The following KCNMA1 variants were observed in gnomAD, a reference collection of about 807,000 sequenced individuals.
KCNMA1 encodes the protein potassium calcium-activated channel subfamily M alpha 1, also known as Calcium-activated potassium channel subunit alpha-1.
KCNMA1 carries 29 observed loss-of-function variants against 140.0 expected under a neutral mutation model. That is an observed-to-expected ratio of 0.21 (90% CI 0.15 to 0.28). KCNMA1 has a LOEUF of 0.28. Ranked by LOEUF, KCNMA1 falls within the 10% of genes least tolerant of loss-of-function variation. The pLI is 1.00. For missense variants in KCNMA1, 880 were observed against 1,602.2 expected (o/e 0.55, Z 7.70); for synonymous variants, 612 against 611.9 (o/e 1.00, Z 0.00).
intron 2 of KCNMA1, among the ~76,000 whole-genome samples, chr10:77,265,288 A>G (rs1269613272): frequency 2.0e-5 from 3 of 152,118 alleles, no homozygotes; most frequent in Non-Finnish European, 4.4e-5. Flanking sequence ...CTGACCTCAA[A>G]TGATCCAACC....
At chr10:77,137,080 G>A (rs2098055774) in intron 5 of KCNMA1, among the ~76,000 whole-genome samples, 2 of 152,096 alleles carry the variant, frequency 1.3e-5, no homozygotes, top group Non-Finnish European at 2.9e-5. Flanking sequence ...TAAAAGCAGA[G>A]TTACTGTACT....
intron 1 of KCNMA1, among the ~76,000 whole-genome samples, chr10:77,543,031 TTCTCTCTCTCTTTCTCTCTCTCTCATTC>T: frequency 4.5e-5 from 1 of 22,400 alleles, no homozygotes. Context: ...CTCTCTCTCA[TTCTCTCTCTCTTTCTCTCTCTCTCATTC>T]TCTCTCTCTT....
At chr10:76,950,047 C>T (rs556361632) in intron 21 of KCNMA1, among the ~76,000 whole-genome samples, 1 of 152,198 alleles carries the variant, frequency 6.6e-6, no homozygotes, top group Admixed American at 6.5e-5. Context: ...GTGAAAATTA[C>T]ATAAAGTTCA....
intron 1 of KCNMA1, among the ~76,000 whole-genome samples, chr10:77,557,459 A>T (rs565463279): frequency 1.7e-4 from 26 of 152,310 alleles, no homozygotes; most frequent in African/African-American, 6.3e-4. Flanking sequence ...CATGTAGTTC[A>T]ACACTGTTTA....
At chr10:77,005,952 A>C (rs2088406787) in intron 18 of KCNMA1, among the ~76,000 whole-genome samples, 1 of 152,218 alleles carries the variant, frequency 6.6e-6, no homozygotes, top group African/African-American at 2.4e-5. Context: ...AACCTGTTGG[A>C]AAGTGGCTGG....
intron 2 of KCNMA1, among the ~76,000 whole-genome samples, chr10:77,303,876 C>T (rs558960474): frequency 1.5e-4 from 23 of 152,354 alleles, no homozygotes; most frequent in South Asian, 4.1e-4. Flanking sequence ...CATTGCAAGA[C>T]GCTCATTGTC....
chr10:76,947,542 A>G (rs933507432), intron 22 of KCNMA1, among the ~76,000 whole-genome samples: 2 of 152,220 alleles, frequency 1.3e-5, no homozygotes, highest in African/African-American at 2.4e-5. Context: ...GACTATGTGG[A>G]GGAGCACATG....
chr10:77,306,838 C>A (rs576891396), intron 2 of KCNMA1, among the ~76,000 whole-genome samples: 30 of 152,260 alleles, frequency 2.0e-4, no homozygotes, highest in African/African-American at 7.0e-4. Context: ...ACCCAGCTTA[C>A]GCAAAAAGGG....
chr10:76,983,891 G>A (rs2080353647), intron 19 of KCNMA1, among the ~76,000 whole-genome samples: 1 of 152,038 alleles, frequency 6.6e-6, no homozygotes, highest in Non-Finnish European at 1.5e-5. Flanking sequence ...GAATACCGCA[G>A]ACCATAAAAA....
At chr10:77,052,620 C>CCA (rs2095410226) in intron 14 of KCNMA1, among the ~76,000 whole-genome samples, 1 of 141,582 alleles carries the variant, frequency 7.1e-6, no homozygotes, top group Non-Finnish European at 1.5e-5. Flanking sequence ...GATGAGTGTG[C>CCA]AAAAAAAAAA....
chr10:77,198,259 A>G (rs1042424571), intron 3 of KCNMA1, among the ~76,000 whole-genome samples: 69 of 152,256 alleles, frequency 4.5e-4, no homozygotes, highest in African/African-American at 1.6e-3. Context: ...CATCCTTAAC[A>G]CTTTGGTTAC....
intron 1 of KCNMA1, among the ~76,000 whole-genome samples, chr10:77,520,042 CAGTGTGAGGGTGTG>C (rs2052422256): frequency 2.6e-5 from 1 of 38,414 alleles, no homozygotes; most frequent in Non-Finnish European, 5.3e-5. Context: ...TGAGGGTGTG[CAGTGTGAGGGTGTG>C]CAGTGTGAGG....
At chr10:77,151,131 CCTTT>C (rs890738236) in intron 5 of KCNMA1, among the ~76,000 whole-genome samples, 13 of 150,952 alleles carry the variant, frequency 8.6e-5, no homozygotes, top group African/African-American at 1.7e-4. Flanking sequence ...TCTCTTCCTT[CCTTT>C]CTTTCTTCTT....
At chr10:77,426,121 G>A (rs1460958704) in intron 1 of KCNMA1, among the ~76,000 whole-genome samples, 1 of 152,170 alleles carries the variant, frequency 6.6e-6, no homozygotes. Flanking sequence ...CACTTCACCA[G>A]ACTGTAGGAC....
intron 3 of KCNMA1, among the ~76,000 whole-genome samples, chr10:77,228,314 G>A (rs2052297105): frequency 1.3e-5 from 2 of 152,118 alleles, no homozygotes; most frequent in South Asian, 2.1e-4. Flanking sequence ...GAATTAGGGG[G>A]TAAGCCAACC....
At chr10:77,473,985 C>A (rs1795068004) in intron 1 of KCNMA1, among the ~76,000 whole-genome samples, 1 of 152,316 alleles carries the variant, frequency 6.6e-6, no homozygotes, top group East Asian at 1.9e-4. Flanking sequence ...CCGCCTCACC[C>A]AGGGCCGGTC....
At chr10:77,419,734 G>A (rs1471620759) in intron 1 of KCNMA1, among the ~76,000 whole-genome samples, 3 of 151,888 alleles carry the variant, frequency 2.0e-5, no homozygotes, top group Non-Finnish European at 2.9e-5. Context: ...TGCTCTTCAG[G>A]GACCCATCGT....
In KCNMA1 at chr10:77,417,630, G is replaced by T. The variant is rs12413882; in HGVS notation, c.379-13607C>A. 1.3e-3 allele frequency among the ~76,000 whole-genome samples: 200 copies of T among 152,346 alleles called. 1 individual carries two copies. In the East Asian group the frequency reaches 0.017, roughly 13 times the overall value. ...AGTCAAAAGAAAGATGAATGTTCTT[G>T]TTTACAAAAGGATTTGTCCCGTGCC... On this transcript the variant is annotated intron_variant, in intron 1 of 27. Coordinates refer to ENST00000286628, the MANE Select transcript of KCNMA1 (RefSeq NM_001161352.2).
In KCNMA1 at chr10:77,491,243, C is replaced by A. The variant is rs1347042789; in HGVS notation, c.379-87220G>T. Reference sequence around the variant, plus strand: ...TGGAGAGTTGATTGGATTTGAGTGACCTGGTTGCCTGGTGGCCCAAAGGAC... The same window carrying A: ...TGGAGAGTTGATTGGATTTGAGTGAACTGGTTGCCTGGTGGCCCAAAGGAC... On this transcript the variant is annotated intron_variant, in intron 1 of 27. Transcript: ENST00000286628. 2.0e-5 allele frequency among the ~76,000 whole-genome samples: 3 copies of A among 152,132 alleles called. No individual in the cohort carries two copies. In the East Asian group the frequency reaches 5.8e-4, roughly 29 times the overall value.
Sources: allele counts gnomAD v4.1 joint callset (sites outside exome capture counted in the v4.1 genomes callset), GRCh38; gene constraint gnomAD v4.1.1; transcripts MANE v1.5; gene names NCBI Gene and HGNC (gene_info 2026-07-23, HGNC 2026-07-21).